PRKACB: variants seen among roughly 807,000 people sequenced by gnomAD.
The protein encoded by PRKACB is cAMP-dependent protein kinase catalytic subunit beta.
PRKACB carries 16 observed loss-of-function variants against 51.4 expected under a neutral mutation model. The ratio of observed to expected loss-of-function variants is 0.31; its 90% confidence interval spans 0.21 to 0.47. The LOEUF (loss-of-function observed/expected upper bound fraction) is 0.47. Ranked by LOEUF, PRKACB falls within the 20% of genes least tolerant of loss-of-function variation. PRKACB has a pLI of 1.00. For missense variants in PRKACB, 309 were observed against 464.5 expected (o/e 0.67, Z 3.08); for synonymous variants, 147 against 154.4 (o/e 0.95, Z 0.35).
intron 1 of PRKACB, among the ~76,000 whole-genome samples, chr1:84,078,642 T>C (rs1271636562): frequency 6.6e-6 from 1 of 152,066 alleles, no homozygotes; most frequent in African/African-American, 2.4e-5. Context: ...GAGGAGGACT[T>C]GCACACGTTC....
chr1:84,230,001 C>T (rs1293868849), intron 9 of PRKACB, among the ~76,000 whole-genome samples: 1 of 150,480 alleles, frequency 6.6e-6, no homozygotes, highest in African/African-American at 2.4e-5. Context: ...ACATGAAGTC[C>T]TTGCCCATGC....
chr1:84,128,307 A>G (rs543669614), intron 1 of PRKACB, among the ~76,000 whole-genome samples: 2 of 152,166 alleles, frequency 1.3e-5, no homozygotes, highest in African/African-American at 2.4e-5. Flanking sequence ...TTTAGACAGT[A>G]TAGGACACAT....
chr1:84,128,314 A>G (rs1651834369), intron 1 of PRKACB, among the ~76,000 whole-genome samples: 1 of 152,196 alleles, frequency 6.6e-6, no homozygotes, highest in Non-Finnish European at 1.5e-5. Flanking sequence ...AGTATAGGAC[A>G]CATAGAACTG....
chr1:84,195,319 A>G (rs1558218402), intron 5 of PRKACB, among the ~76,000 whole-genome samples: 1 of 152,158 alleles, frequency 6.6e-6, no homozygotes, highest in African/African-American at 2.4e-5. Flanking sequence ...ATATTTACTG[A>G]GCACTTGGGA....
At chr1:84,099,188 G>A (rs1395563253) in intron 1 of PRKACB, among the ~76,000 whole-genome samples, 1 of 152,042 alleles carries the variant, frequency 6.6e-6, no homozygotes, top group African/African-American at 2.4e-5. Flanking sequence ...GTAGTGTTAA[G>A]TATAGTAAGA....
intron 1 of PRKACB, among the ~76,000 whole-genome samples, chr1:84,100,192 A>G (rs1014519919): frequency 6.6e-6 from 1 of 152,136 alleles, no homozygotes; most frequent in Non-Finnish European, 1.5e-5. Flanking sequence ...AAGAACTGTC[A>G]AACACTTATA....
At chr1:84,136,242 A>G (rs1430675677) in intron 1 of PRKACB, among the ~76,000 whole-genome samples, 2 of 152,086 alleles carry the variant, frequency 1.3e-5, no homozygotes, top group Admixed American at 1.3e-4. Context: ...TTATTTAAAA[A>G]TTATAATTAA....
intron 1 of PRKACB, among the ~76,000 whole-genome samples, chr1:84,172,375 A>G (rs897979010): frequency 3.3e-5 from 5 of 151,734 alleles, no homozygotes; most frequent in Non-Finnish European, 5.9e-5. Flanking sequence ...CATTTCAAAG[A>G]TTGCCTGGGT....
chr1:84,186,186 A>G (rs1390316231), intron 5 of PRKACB, among the ~76,000 whole-genome samples: 1 of 149,508 alleles, frequency 6.7e-6, no homozygotes, highest in East Asian at 2.0e-4. Context: ...AGTTTCAGCA[A>G]CTAGACTTGT....
chr1:84,196,584 T>C (rs1483752695), intron 5 of PRKACB, 32 bp from the exon 6 acceptor site: 5 of 1,597,990 alleles, frequency 3.1e-6, no homozygotes, highest in Non-Finnish European at 4.3e-6. Flanking sequence ...AACTCATTTT[T>C]ACAGAAAATC....
At chr1:84,222,321 G>GTCA (rs1673855980) in intron 9 of PRKACB, among the ~76,000 whole-genome samples, 1 of 152,082 alleles carries the variant, frequency 6.6e-6, no homozygotes, top group African/African-American at 2.4e-5. Context: ...TACAGGTGAA[G>GTCA]TGAGGTTTTT....
At chr1:84,151,156 A>G (rs889016180) in intron 1 of PRKACB, among the ~76,000 whole-genome samples, 1 of 152,174 alleles carries the variant, frequency 6.6e-6, no homozygotes, top group African/African-American at 2.4e-5. Flanking sequence ...GACCACCACA[A>G]TACAACTAAA....
chr1:84,234,877 G>T (rs910407723), intron 9 of PRKACB, among the ~76,000 whole-genome samples: 1 of 152,208 alleles, frequency 6.6e-6, no homozygotes, highest in Non-Finnish European at 1.5e-5. Flanking sequence ...CCCGTCTTCT[G>T]TGTCCCTCAC....
intron 1 of PRKACB, among the ~76,000 whole-genome samples, chr1:84,131,994 A>C (rs1345254964): frequency 6.6e-6 from 1 of 151,906 alleles, no homozygotes; most frequent in Non-Finnish European, 1.5e-5. Context: ...ACAAAGGTCT[A>C]CTCTGTAGGG....
At chr1:84,152,317 A>G (rs563096279) in intron 1 of PRKACB, among the ~76,000 whole-genome samples, 1 of 152,298 alleles carries the variant, frequency 6.6e-6, no homozygotes, top group South Asian at 2.1e-4. Flanking sequence ...TGAGGGCACT[A>G]AGAGTTTCTA....
chr1:84,220,036 G>C (rs1345706829), intron 9 of PRKACB, among the ~76,000 whole-genome samples: 1 of 151,706 alleles, frequency 6.6e-6, no homozygotes, highest in South Asian at 2.1e-4. Flanking sequence ...AAATTTATTT[G>C]CATAGTTGAT....
At chr1:84,169,163 A>G (rs767209416) in intron 1 of PRKACB, among the ~76,000 whole-genome samples, 1 of 151,694 alleles carries the variant, frequency 6.6e-6, no homozygotes, top group South Asian at 2.1e-4. Context: ...AAAAGAGGTT[A>G]TACACCATAA....
chr1:84,180,895 TA>T (rs1663214481), intron 2 of PRKACB, among the ~76,000 whole-genome samples: 1 of 151,914 alleles, frequency 6.6e-6, no homozygotes, highest in African/African-American at 2.4e-5. Context: ...TGTTGTCTAT[TA>T]ATAAAGTTTG....
intron 1 of PRKACB, among the ~76,000 whole-genome samples, chr1:84,135,961 A>C (rs1410419198): frequency 6.6e-6 from 1 of 152,044 alleles, no homozygotes; most frequent in Non-Finnish European, 1.5e-5. Context: ...ACAAAACTAA[A>C]AGTTATTTGA....
Sources: allele counts gnomAD v4.1 joint callset (sites outside exome capture counted in the v4.1 genomes callset), GRCh38; gene constraint gnomAD v4.1.1; transcripts MANE v1.5; gene names NCBI Gene and HGNC (gene_info 2026-07-23, HGNC 2026-07-21).